The following BANF2 variants were observed in gnomAD, a reference collection of about 807,000 sequenced individuals.
BANF2 encodes the protein BANF family member 2.
In BANF2, 4 loss-of-function variants were observed where a neutral mutation model predicts 8.0. The observed-to-expected ratio is 0.50, with a 90% confidence interval of 0.25 to 1.14. The LOEUF (loss-of-function observed/expected upper bound fraction) is 1.14. BANF2 is among the 50% of genes most tolerant of loss of function. BANF2 has a pLI of 0.16. For missense variants in BANF2, 96 were observed against 107.5 expected, an observed-to-expected ratio of 0.89 and a Z score of 0.47; for synonymous variants, 50 against 40.6, an observed-to-expected ratio of 1.23 and a Z score of -0.88.
At chr20:17,697,697 C>A (rs1464986215), upstream of BANF2, among the ~76,000 whole-genome samples, 1 of 152,090 alleles carries the variant, frequency 6.6e-6, no homozygotes, top group Non-Finnish European at 1.5e-5. Flanking sequence ...GGGATGGGGG[C>A]AACAATGTGG....
chr20:17,700,692 G>A lies in BANF2; in HGVS notation c.-167+637G>A, dbSNP rs1030338956. Reference sequence around the variant, plus strand: ...AAGTGGGCAAAATCTAAGGTAGCGGGGACAGGGACAGAGGCCAAAGCCATC... The same window carrying A: ...AAGTGGGCAAAATCTAAGGTAGCGGAGACAGGGACAGAGGCCAAAGCCATC... On this transcript the variant is annotated intron_variant, in intron 1 of 3. Transcript: ENST00000246090. 1.1e-4 allele frequency among the ~76,000 whole-genome samples: 16 copies of A among 152,254 alleles called. No homozygotes were observed. In the East Asian group the frequency reaches 2.5e-3, roughly 24 times the overall value.
chr20:17,720,064 G>A (rs572046814), intron 1 of BANF2, among the ~76,000 whole-genome samples: 13 of 152,334 alleles, frequency 8.5e-5, no homozygotes, highest in Non-Finnish European at 1.5e-4. Flanking sequence ...ATCAAACTCT[G>A]GAGGTGGGAT....
intron 1 of BANF2, among the ~76,000 whole-genome samples, chr20:17,714,365 A>G (rs188542514): frequency 2.0e-5 from 3 of 152,336 alleles, no homozygotes; most frequent in Non-Finnish European, 2.9e-5. Flanking sequence ...TTTGCAGATA[A>G]CAGGACCCCA....
chr20:17,723,887 C>T (rs1194478663), intron 2 of BANF2, among the ~76,000 whole-genome samples: 1 of 152,062 alleles, frequency 6.6e-6, no homozygotes, highest in African/African-American at 2.4e-5. Flanking sequence ...CCCAGCTACT[C>T]GGGAGGCTGA....
Position 17,722,753 on chromosome 20 carries a change from C to G in BANF2, c.-129C>G, listed in dbSNP as rs2037751157. The G allele has an allele frequency of 2.0e-6, 2 of 984,644 alleles. No individual in the cohort carries two copies. Among genetic ancestry groups the G allele is most frequent in the Admixed American group, 6.1e-5 (1 of 16,262 alleles). The allele number at this position is 984,644 out of a possible 1,614,324, so 61.0% of individuals were successfully genotyped here. A position where few individuals can be genotyped will look rare whatever the true frequency, so the allele number is the denominator to read the frequency against. The stretch of plus-strand genomic sequence containing the variant: ...CATCAAGGCCACTTTTCTTAGGAGC[C>G]CCCTGACTTCCAAAATCAGTGCCTT... On this transcript the variant is annotated 5_prime_UTR_variant, in exon 2 of 4. Transcript: ENST00000246090.
At chr20:17,700,712 G>A (rs1568805089) in intron 1 of BANF2, among the ~76,000 whole-genome samples, 1 of 152,196 alleles carries the variant, frequency 6.6e-6, no homozygotes, top group African/African-American at 2.4e-5. Flanking sequence ...AGAGGCCAAA[G>A]CCATCTCTCA....
intron 1 of BANF2, among the ~76,000 whole-genome samples, chr20:17,694,911 C>T (rs564031421): frequency 8.9e-4 from 135 of 151,998 alleles, no homozygotes; most frequent in Middle Eastern, 6.8e-3. Flanking sequence ...TGTGAGCCAC[C>T]GCACCCTGCC....
rs113677180 is a variant in BANF2, at chr20:17,724,822, G to A, written c.-3-201G>A. Reference sequence around the variant, plus strand: ...CATTCGGCTTCTGTTTGTCCATCCAGGTAGGAATGGATGTGTGAAGGCCTT... The same window carrying A: ...CATTCGGCTTCTGTTTGTCCATCCAAGTAGGAATGGATGTGTGAAGGCCTT... On this transcript the variant is annotated intron_variant, in intron 2 of 3. Coordinates refer to ENST00000246090, the MANE Select transcript of BANF2 (RefSeq NM_178477.5). 3.0e-3 allele frequency among the ~76,000 whole-genome samples: 457 copies of A among 152,278 alleles called. 1 individual carries two copies. The highest frequency in any genetic ancestry group is 7.0e-3 in the African/African-American group (291 of 41,568).
At chr20:17,718,996 T>A (rs915547103) in intron 1 of BANF2, among the ~76,000 whole-genome samples, 2 of 152,184 alleles carry the variant, frequency 1.3e-5, no homozygotes, top group Non-Finnish European at 2.9e-5. Context: ...GCTTAAGCTG[T>A]CCATAATGGA....
chr20:17,695,553 G>A (rs894579655), upstream of BANF2, among the ~76,000 whole-genome samples: 5 of 148,650 alleles, frequency 3.4e-5, no homozygotes, highest in Middle Eastern at 3.5e-3. Context: ...ATAACAACTA[G>A]CACATTTTAG....
rs1269746335 is a variant in BANF2 at position 17,707,044 on chromosome 20, G to T, written c.-167+6989G>T. 2.6e-5 allele frequency among the ~76,000 whole-genome samples: 4 copies of T among 152,054 alleles called. No homozygotes were observed. The South Asian group carries it at 8.3e-4, about 32-fold the overall frequency. ...GACCACATCTTGGCACTTTCAGATG[G>T]GTTTGCAAGCACTGGAAATCAAAGC... On this transcript the variant is annotated intron_variant, in intron 1 of 3. Transcript: ENST00000246090.
At chr20:17,729,383 G>C (rs1734016825) in intron 3 of BANF2, among the ~76,000 whole-genome samples, 1 of 152,090 alleles carries the variant, frequency 6.6e-6, no homozygotes, top group Admixed American at 6.6e-5. Context: ...CACCCAACAG[G>C]CTCCTTTTTC....
At chr20:17,716,856 AAAAAAG>A (rs1361068249) in intron 1 of BANF2, among the ~76,000 whole-genome samples, 71 of 150,982 alleles carry the variant, frequency 4.7e-4, no homozygotes, top group African/African-American at 1.6e-3. Context: ...AAAAAAAAAA[AAAAAAG>A]AAAGAAAGGA....
At chr20:17,733,613 T>C (rs2037933719) in intron 3 of BANF2, among the ~76,000 whole-genome samples, 1 of 152,216 alleles carries the variant, frequency 6.6e-6, no homozygotes, top group Non-Finnish European at 1.5e-5. Flanking sequence ...AAATGTTATT[T>C]TTCAAAAACA....
chr20:17,728,541 A>G (rs726556), intron 3 of BANF2, among the ~76,000 whole-genome samples: 9,910 of 151,828 alleles, frequency 0.065, 326 homozygotes, highest in Middle Eastern at 0.11. Flanking sequence ...CCTCTCACAC[A>G]GGTCTTTCAG....
upstream of BANF2, among the ~76,000 whole-genome samples, chr20:17,696,652 G>A (rs1333288490): frequency 6.6e-6 from 1 of 152,096 alleles, no homozygotes; most frequent in Non-Finnish European, 1.5e-5. Context: ...TTGAGTCCTG[G>A]GTAATGCTGA....
rs1296401058 is a variant in BANF2 at position 17,725,141 on chromosome 20, G to T, written c.116G>T (p.Gly39Val). Reference protein sequence around the residue: ...HELAINLVTKGINKAYILLGQ... With the variant: ...HELAINLVTKVINKAYILLGQ... ...CTCGCGATCAATTTGGTCACCAAAG[G>T]TATCAATAAGGTAATTCATATTTTC... The change falls in exon 3 of 4, where the codon GGT becomes GTT. Residue 39 changes from glycine (G) to valine (V), a missense_variant. By Grantham distance (109) the Gly-to-Val change is moderately radical. Coordinates refer to ENST00000246090, the MANE Select transcript of BANF2 (RefSeq NM_178477.5). 3 of 1,612,224 alleles carry T rather than the reference G, an allele frequency of 1.9e-6. No individual in the cohort carries two copies. The highest frequency in any genetic ancestry group is 1.7e-4 in the Middle Eastern group (1 of 6,050).
In BANF2 at chr20:17,735,783, T is replaced by G; in HGVS notation, c.245T>G (p.Leu82Arg). ...ECEAQQTSHC[L>R]KEWCACFL ...GAGGCCCAGCAGACTTCTCACTGCC[T>G]CAAGGAGTGGTGTGCCTGCTTCCTG... Residue 82 changes from leucine to arginine, a missense_variant, in exon 4 of 4, where the codon CTC becomes CGC. Coordinates refer to ENST00000246090, the MANE Select transcript of BANF2 (RefSeq NM_178477.5). The G allele has an allele frequency of 6.2e-7, 1 of 1,613,938 alleles. No homozygotes were observed. The highest frequency in any genetic ancestry group is 8.5e-7 in the Non-Finnish European group (1 of 1,179,988).
intron 1 of BANF2, among the ~76,000 whole-genome samples, chr20:17,706,616 T>C (rs1326116845): frequency 2.0e-5 from 3 of 152,180 alleles, no homozygotes; most frequent in Non-Finnish European, 4.4e-5. Context: ...CCATCCGTAG[T>C]AGGGGATCCT....
Sources: gnomAD v4.1 joint callset for allele counts (sites outside exome capture counted in the v4.1 genomes callset) on GRCh38, gnomAD v4.1.1 for gene constraint, MANE v1.5 for transcripts, NCBI Gene and HGNC (gene_info 2026-07-23, HGNC 2026-07-21) for gene names.